COBL: variants seen among roughly 807,000 people sequenced by gnomAD.
COBL encodes cordon-bleu WH2 repeat protein.
Under a neutral mutation model 98.8 loss-of-function variants are expected in COBL, and 51 were observed. The observed-to-expected ratio is 0.52, with a 90% CI of 0.41 to 0.65. The LOEUF (loss-of-function observed/expected upper bound fraction) is 0.65, where lower values mean the gene tolerates loss of function less well. Ranked by LOEUF, COBL falls within the 30% of genes least tolerant of loss-of-function variation. COBL has a pLI of 0.00. For missense variants in COBL, 1,617 were observed against 1,617.5 expected, an observed-to-expected ratio of 1.00 and a Z score of 0.01; for synonymous variants, 634 against 651.7, an observed-to-expected ratio of 0.97 and a Z score of 0.41.
At chr7:51,020,657 G>T (rs1490500040) in intron 12 of COBL, among the ~76,000 whole-genome samples, 1 of 152,044 alleles carries the variant, frequency 6.6e-6, no homozygotes, top group Non-Finnish European at 1.5e-5. Context: ...AGCACTGAGT[G>T]TGGGGTGGGG....
At chr7:51,166,447 T>C (rs1006586240) in intron 5 of COBL, among the ~76,000 whole-genome samples, 2 of 152,084 alleles carry the variant, frequency 1.3e-5, no homozygotes, top group East Asian at 1.9e-4. Context: ...AGTAACAATA[T>C]TGAAGCCATA....
chr7:51,307,580 C>T (rs953980771), intron 1 of COBL, among the ~76,000 whole-genome samples: 1 of 152,162 alleles, frequency 6.6e-6, no homozygotes, highest in Non-Finnish European at 1.5e-5. Flanking sequence ...AAAAATCTAT[C>T]ATTCTAAAAA....
At chr7:51,281,025 T>C (rs943468916) in intron 1 of COBL, among the ~76,000 whole-genome samples, 1 of 152,116 alleles carries the variant, frequency 6.6e-6, no homozygotes, top group East Asian at 1.9e-4. Context: ...ACAAAATGAC[T>C]AGGAAATAAT....
At chr7:51,098,436 C>G (rs185963797) in intron 6 of COBL, among the ~76,000 whole-genome samples, 191 of 151,862 alleles carry the variant, frequency 1.3e-3, no homozygotes, top group African/African-American at 3.5e-3. Flanking sequence ...ATCAATGAAA[C>G]AGAATAAGGA....
chr7:51,124,777 T>C (rs17554475), intron 6 of COBL, among the ~76,000 whole-genome samples: 8,618 of 152,302 alleles, frequency 0.057, 334 homozygotes, highest in Middle Eastern at 0.13. Context: ...TTTTCCTTTG[T>C]TATGATCTGA....
intron 8 of COBL, chr7:51,033,867 C>T (rs551415345): frequency 6.6e-6 from 1 of 152,254 alleles, no homozygotes; most frequent in Non-Finnish European, 1.5e-5. Flanking sequence ...GAAACTGTAA[C>T]AGAGAGGCTG....
chr7:51,198,788 T>C (rs536618836), intron 2 of COBL, among the ~76,000 whole-genome samples: 1 of 152,348 alleles, frequency 6.6e-6, no homozygotes, highest in South Asian at 2.1e-4. Flanking sequence ...AGGAAGTCTC[T>C]GGCTCATGTA....
chr7:51,205,062 AAT>A (rs1315154739), intron 2 of COBL, among the ~76,000 whole-genome samples: 30 of 152,224 alleles, frequency 2.0e-4, no homozygotes, highest in Non-Finnish European at 1.5e-4. Context: ...TAGAAGAATT[AAT>A]ATTGTTACAA....
At chr7:51,083,228 C>T in intron 7 of COBL, 1 of 1,450,082 alleles carries the variant, frequency 6.9e-7, no homozygotes, top group Non-Finnish European at 9.0e-7. Context: ...CCGTCCACCA[C>T]CTATATGGAA....
chr7:51,127,868 A>G (rs1016646271), intron 6 of COBL, among the ~76,000 whole-genome samples: 1 of 152,204 alleles, frequency 6.6e-6, no homozygotes, highest in Non-Finnish European at 1.5e-5. Context: ...AATACCACTC[A>G]TTGTTCTTGA....
intron 1 of COBL, among the ~76,000 whole-genome samples, chr7:51,239,296 T>C (rs1339806780): frequency 6.6e-6 from 1 of 152,162 alleles, no homozygotes; most frequent in African/African-American, 2.4e-5. Context: ...GTAAAGAAAC[T>C]GGCTAAATCC....
At chr7:51,025,658 T>C (rs769878158) in intron 11 of COBL, among the ~76,000 whole-genome samples, 9 of 152,154 alleles carry the variant, frequency 5.9e-5, no homozygotes, top group African/African-American at 9.7e-5. Flanking sequence ...ATCTTAGACT[T>C]TGAGCATCCA....
chr7:51,022,378 C>T (rs1562800901), intron 12 of COBL, among the ~76,000 whole-genome samples: 1 of 152,206 alleles, frequency 6.6e-6, no homozygotes. Flanking sequence ...GTGCGAGAAA[C>T]ACAAGCCCGG....
chr7:51,273,440 G>A (rs904370062), intron 1 of COBL, among the ~76,000 whole-genome samples: 1 of 151,978 alleles, frequency 6.6e-6, no homozygotes, highest in Non-Finnish European at 1.5e-5. Context: ...TATGTGTGGT[G>A]AACAGTAGCT....
intron 1 of COBL, among the ~76,000 whole-genome samples, chr7:51,252,299 TCAC>T (rs1490201603): frequency 1.3e-5 from 2 of 152,208 alleles, no homozygotes; most frequent in Admixed American, 6.5e-5. Context: ...TGCGGGACCA[TCAC>T]CACAATTTTA....
In COBL at chr7:51,029,406, C is replaced by A. The variant is rs142097660; in HGVS notation, c.1690G>T (p.Ala564Ser). The A allele has an allele frequency of 6.2e-7, 1 of 1,613,948 alleles. No individual in the cohort carries two copies. The highest frequency in any genetic ancestry group is 1.3e-5 in the African/African-American group (1 of 74,936). Residue 564 changes from alanine (A) to serine (S), a missense_variant, in exon 10 of 13, where the codon GCT (alanine) becomes TCT (serine). By Grantham distance (99) the Ala-to-Ser change is moderately conservative. Around this residue, in one of 3 missense-constraint regions of COBL, gnomAD observed 1,304 missense variants for 1,282.0 expected, o/e 1.02. Coordinates refer to ENST00000265136, the MANE Select transcript of COBL (RefSeq NM_015198.5). ...ACACCCTCCGAGTCGAAAGACCCAG[C>A]ATTGTTGTTTCTATTGGAAAACAAC... ...SGLFSNRNNN[A>S]GSFDSEGVAS...
intron 2 of COBL, among the ~76,000 whole-genome samples, chr7:51,199,242 C>T (rs1394808821): frequency 6.6e-6 from 1 of 152,178 alleles, no homozygotes; most frequent in Non-Finnish European, 1.5e-5. Flanking sequence ...ACTGCAGACC[C>T]TGAAACGGCC....
chr7:51,288,391 G>A (rs1407381857), intron 1 of COBL, among the ~76,000 whole-genome samples: 2 of 141,700 alleles, frequency 1.4e-5, no homozygotes, highest in African/African-American at 2.7e-5. Flanking sequence ...CTGAGATCCC[G>A]CCACTGCACT....
At chr7:51,222,192 A>AAATAATAATAATAAT (rs71018500) in intron 1 of COBL, among the ~76,000 whole-genome samples, 1 of 149,898 alleles carries the variant, frequency 6.7e-6, no homozygotes, top group Non-Finnish European at 1.5e-5. Flanking sequence ...TCCGTCTCAA[A>AAATAATAATAATAAT]AATAATAATA....
Sources: allele counts gnomAD v4.1 joint callset (sites outside exome capture counted in the v4.1 genomes callset), GRCh38; gene constraint gnomAD v4.1.1; regional missense constraint gnomAD v4.1.1; transcripts MANE v1.5; gene names NCBI Gene and HGNC (gene_info 2026-07-23, HGNC 2026-07-21).